GLIS3: variants seen among roughly 807,000 people sequenced by gnomAD.
GLIS3 encodes zinc finger protein GLIS3.
A neutral mutation model predicts 78.6 loss-of-function variants in GLIS3; 53 were observed. The observed-to-expected ratio is 0.67, with a 90% CI of 0.54 to 0.85. The LOEUF (loss-of-function observed/expected upper bound fraction) is 0.85, where lower values mean the gene tolerates loss of function less well. Among genes scored for constraint, GLIS3 ranks in the 40% least tolerant of loss-of-function variants. The probability of loss-of-function intolerance (pLI) is 0.00; values close to 1 mark genes in which losing one functional copy is unlikely to be tolerated. For missense variants in GLIS3, 1,703 were observed against 1,231.1 expected (o/e 1.38, Z -5.74); for synonymous variants, 684 against 509.9 (o/e 1.34, Z -4.60).
chr9:4,206,407 G>A (rs928353902), intron 2 of GLIS3, among the ~76,000 whole-genome samples: 1 of 152,202 alleles, frequency 6.6e-6, no homozygotes, highest in Non-Finnish European at 1.5e-5. Context: ...CCTTGAAAGA[G>A]GCTTATTTTC....
chr9:4,401,275 T>C, the GLIS3 span, among the ~76,000 whole-genome samples: 101 of 152,284 alleles, frequency 6.6e-4, no homozygotes, highest in Non-Finnish European at 1.1e-3. Flanking sequence ...TTTTTGTTTT[T>C]TGAGACAGAG....
At chr9:4,293,777 T>C (rs1384828643) in intron 1 of GLIS3, among the ~76,000 whole-genome samples, 4 of 152,232 alleles carry the variant, frequency 2.6e-5, no homozygotes, top group Non-Finnish European at 5.9e-5. Flanking sequence ...CAGGATCTGA[T>C]CTTGCATTGT....
intron 2 of GLIS3, among the ~76,000 whole-genome samples, chr9:4,328,693 A>T (rs1817638553): frequency 6.6e-6 from 1 of 152,196 alleles, no homozygotes; most frequent in Admixed American, 6.5e-5. Flanking sequence ...ATAGCTTGTG[A>T]CCTTGGGTGA....
intron 4 of GLIS3, among the ~76,000 whole-genome samples, chr9:4,067,389 T>C (rs1003062763): frequency 2.0e-5 from 3 of 152,118 alleles, no homozygotes; most frequent in African/African-American, 7.2e-5. Context: ...GGAACCTGAC[T>C]GATACACTGT....
At chr9:4,150,091 C>A (rs1238419070) in intron 2 of GLIS3, among the ~76,000 whole-genome samples, 1 of 152,160 alleles carries the variant, frequency 6.6e-6, no homozygotes, top group Non-Finnish European at 1.5e-5. Flanking sequence ...CACAGTGAAT[C>A]TGGTACAATA....
At chr9:4,023,068 C>T (rs1215779191) in intron 4 of GLIS3, among the ~76,000 whole-genome samples, 1 of 152,158 alleles carries the variant, frequency 6.6e-6, no homozygotes, top group Non-Finnish European at 1.5e-5. Context: ...TTACTATACA[C>T]AGATAAAACT....
At chr9:3,992,047 A>T (rs899061857) in intron 4 of GLIS3, among the ~76,000 whole-genome samples, 4 of 152,086 alleles carry the variant, frequency 2.6e-5, no homozygotes, top group Non-Finnish European at 4.4e-5. Context: ...TTTTAGACAA[A>T]CTGAAGTCAG....
intron 4 of GLIS3, among the ~76,000 whole-genome samples, chr9:4,039,199 A>G (rs1336426583): frequency 1.3e-5 from 2 of 152,214 alleles, no homozygotes; most frequent in African/African-American, 4.8e-5. Context: ...GCACCTGGTT[A>G]TTCTCTGGAG....
At chr9:4,421,129 A>G in the GLIS3 span, among the ~76,000 whole-genome samples, 3 of 152,212 alleles carry the variant, frequency 2.0e-5, no homozygotes, top group East Asian at 5.8e-4. Context: ...CTGACTTGTA[A>G]AGCACTGTGA....
At chr9:4,391,256 C>G in the GLIS3 span, among the ~76,000 whole-genome samples, 1 of 152,150 alleles carries the variant, frequency 6.6e-6, no homozygotes, top group Non-Finnish European at 1.5e-5. Context: ...TACCTCACCT[C>G]CAGAAGAGCC....
chr9:4,088,954 C>T (rs1257321223), intron 4 of GLIS3, among the ~76,000 whole-genome samples: 1 of 152,248 alleles, frequency 6.6e-6, no homozygotes, highest in African/African-American at 2.4e-5. Context: ...TAGACAGCTC[C>T]TCAGATGGAG....
At chr9:4,301,565 C>A (rs1817074572), upstream of GLIS3, among the ~76,000 whole-genome samples, 2 of 152,218 alleles carry the variant, frequency 1.3e-5, no homozygotes, top group East Asian at 3.8e-4. Flanking sequence ...CCCTTCAATG[C>A]ATCATGGGAA....
chr9:4,317,666 G>C (rs890261630), intron 2 of GLIS3, among the ~76,000 whole-genome samples: 1 of 152,134 alleles, frequency 6.6e-6, no homozygotes, highest in East Asian at 1.9e-4. Context: ...AAATCAGCAG[G>C]TTGATCACAA....
intron 2 of GLIS3, among the ~76,000 whole-genome samples, chr9:4,142,017 C>T (rs1027447605): frequency 7.2e-5 from 11 of 152,160 alleles, no homozygotes; most frequent in African/African-American, 2.7e-4. Context: ...AGATGCGAAT[C>T]CAGACACGGT....
the GLIS3 span, among the ~76,000 whole-genome samples, chr9:4,420,949 A>G: frequency 1.7e-3 from 259 of 152,274 alleles, 1 homozygote; most frequent in African/African-American, 6.0e-3. Flanking sequence ...ATGAATATTT[A>G]TTTATTCTGG....
At chr9:4,057,718 A>T (rs1826263787) in intron 4 of GLIS3, among the ~76,000 whole-genome samples, 1 of 151,196 alleles carries the variant, frequency 6.6e-6, no homozygotes. Flanking sequence ...GGAAAAAAAA[A>T]TAGTTTACTC....
chr9:3,996,058 T>C (rs1820724841), intron 4 of GLIS3, among the ~76,000 whole-genome samples: 1 of 151,994 alleles, frequency 6.6e-6, no homozygotes, highest in Non-Finnish European at 1.5e-5. Context: ...AAAGTCAGAT[T>C]ACTTAAAAAA....
At chr9:3,915,631 G>A (rs1183171116) in intron 6 of GLIS3, among the ~76,000 whole-genome samples, 2 of 152,178 alleles carry the variant, frequency 1.3e-5, no homozygotes, top group Non-Finnish European at 2.9e-5. Context: ...GCGGTCTGCT[G>A]TGTCTAACTC....
intron 2 of GLIS3, among the ~76,000 whole-genome samples, chr9:4,277,890 T>C (rs1827172820): frequency 6.6e-6 from 1 of 152,122 alleles, no homozygotes; most frequent in Non-Finnish European, 1.5e-5. Flanking sequence ...GGAAATACAA[T>C]ATAACCGGGA....
Sources: allele counts gnomAD v4.1 joint callset (sites outside exome capture counted in the v4.1 genomes callset), GRCh38; gene constraint gnomAD v4.1.1; transcripts MANE v1.5; gene names NCBI Gene and HGNC (gene_info 2026-07-23, HGNC 2026-07-21).